The following NCK2 variants were observed in gnomAD, a reference collection of about 807,000 sequenced individuals.
NCK2 encodes NCK adaptor protein 2.
A neutral mutation model predicts 33.9 loss-of-function variants in NCK2; 16 were observed. That is an observed-to-expected ratio of 0.47 (90% CI 0.32 to 0.72). The LOEUF (loss-of-function observed/expected upper bound fraction) is 0.72. Among genes scored for constraint, NCK2 ranks in the 30% least tolerant of loss-of-function variants. The probability of loss-of-function intolerance (pLI) is 0.03; values close to 1 mark genes in which losing one functional copy is unlikely to be tolerated. For missense variants in NCK2, 418 were observed against 537.3 expected, an observed-to-expected ratio of 0.78 and a Z score of 2.19; for synonymous variants, 273 against 239.9, an observed-to-expected ratio of 1.14 and a Z score of -1.27.
intron 4 of NCK2, among the ~76,000 whole-genome samples, chr2:105,887,585 C>T (rs1308402092): frequency 6.6e-6 from 1 of 152,152 alleles, no homozygotes; most frequent in Non-Finnish European, 1.5e-5. Flanking sequence ...ACCAAAAGTA[C>T]CTGGAGCAAG....
At chr2:105,851,649 G>A (rs1466688961) in intron 2 of NCK2, 1 of 152,374 alleles carries the variant, frequency 6.6e-6, no homozygotes, top group Admixed American at 6.5e-5. Flanking sequence ...TTAACCTTTA[G>A]CTACTGAGGC....
At chr2:105,888,640 C>T (rs1191338081) in intron 4 of NCK2, among the ~76,000 whole-genome samples, 1 of 152,200 alleles carries the variant, frequency 6.6e-6, no homozygotes, top group Non-Finnish European at 1.5e-5. Context: ...TTCCCTTCAG[C>T]ATGGGCTGCA....
At chr2:105,773,969 T>C (rs1455576184) in intron 1 of NCK2, among the ~76,000 whole-genome samples, 1 of 152,048 alleles carries the variant, frequency 6.6e-6, no homozygotes, top group Non-Finnish European at 1.5e-5. Flanking sequence ...GAAGTGTGCA[T>C]CTGGAAGTCC....
chr2:105,855,974 A>C (rs898511485), intron 3 of NCK2, among the ~76,000 whole-genome samples: 3 of 152,078 alleles, frequency 2.0e-5, no homozygotes, highest in Non-Finnish European at 4.4e-5. Context: ...AGCTGGGACT[A>C]CAGGCACCCA....
intron 1 of NCK2, among the ~76,000 whole-genome samples, chr2:105,791,692 A>G (rs1463651533): frequency 6.6e-6 from 1 of 152,180 alleles, no homozygotes; most frequent in Non-Finnish European, 1.5e-5. Context: ...TCGTTTTTCT[A>G]CTTGACAATT....
chr2:105,877,000 T>C (rs925033440), intron 3 of NCK2, among the ~76,000 whole-genome samples: 1 of 152,090 alleles, frequency 6.6e-6, no homozygotes, highest in Non-Finnish European at 1.5e-5. Context: ...CTTTGAGATG[T>C]CCCGGCTGCC....
chr2:105,800,987 A>G (rs1394042133), intron 1 of NCK2, among the ~76,000 whole-genome samples: 1 of 152,176 alleles, frequency 6.6e-6, no homozygotes, highest in Non-Finnish European at 1.5e-5. Flanking sequence ...GGAGACAGGC[A>G]AATGTTCTAA....
chr2:105,776,594 G>A (rs1690311122), intron 1 of NCK2, among the ~76,000 whole-genome samples: 2 of 152,148 alleles, frequency 1.3e-5, no homozygotes, highest in African/African-American at 4.8e-5. Context: ...AGCATGATCA[G>A]AAAAAGGAAC....
At chr2:105,819,589 A>G (rs897286565) in intron 2 of NCK2, among the ~76,000 whole-genome samples, 3 of 152,214 alleles carry the variant, frequency 2.0e-5, no homozygotes, top group African/African-American at 7.2e-5. Context: ...GTGGTGAGGC[A>G]GGGGAGTGTG....
Position 105,772,858 on chromosome 2 carries a change from G to A in NCK2, c.-201+27720G>A, listed in dbSNP as rs181830097. 2.7e-5 allele frequency among the ~76,000 whole-genome samples: 4 copies of A among 150,018 alleles called. No individual in the cohort carries two copies. In the East Asian group the frequency reaches 7.9e-4, roughly 30 times the overall value. On this transcript the variant is annotated intron_variant, in intron 1 of 4. Transcript: ENST00000233154. ...TCTCCTGGTCCTTCCTTCACAGTGT[G>A]TTCCTGGCGACCTCCCACATCATCC...
chr2:105,774,629 C>T (rs1359087746), intron 1 of NCK2, among the ~76,000 whole-genome samples: 1 of 151,998 alleles, frequency 6.6e-6, no homozygotes, highest in African/African-American at 2.4e-5. Context: ...ACACACACAA[C>T]GAACTCTAGA....
chr2:105,840,295 G>A (rs1676592789), intron 2 of NCK2, among the ~76,000 whole-genome samples: 1 of 152,136 alleles, frequency 6.6e-6, no homozygotes, highest in African/African-American at 2.4e-5. Context: ...CCTCAGAGAG[G>A]CACCCAGACA....
In NCK2 at chr2:105,786,836, A is replaced by G. The variant is rs914220717; in HGVS notation, c.-200-29594A>G. 4.7e-5 allele frequency among the ~76,000 whole-genome samples: 6 copies of G among 128,026 alleles called. No individual in the cohort carries two copies. In the South Asian group the frequency reaches 1.7e-3, roughly 37 times the overall value. The allele number at this position is 128,026 out of a possible 152,430, so 84.0% of individuals were successfully genotyped here. On this transcript the variant is annotated intron_variant, in intron 1 of 4. Coordinates refer to ENST00000233154, the MANE Select transcript of NCK2 (RefSeq NM_003581.5). The stretch of plus-strand genomic sequence containing the variant: ...TGCCTCTCTTGGGCCAGTGCCTTCT[A>G]CCAGCCCTGCTCCCACCCTAGCCTT...
At chr2:105,749,374 G>A (rs887760600) in intron 1 of NCK2, among the ~76,000 whole-genome samples, 1 of 152,182 alleles carries the variant, frequency 6.6e-6, no homozygotes, top group Non-Finnish European at 1.5e-5. Context: ...AGTGAAGACC[G>A]AAAATGCCAT....
chr2:105,838,820 C>G (rs1484718527), intron 2 of NCK2, among the ~76,000 whole-genome samples: 2 of 152,128 alleles, frequency 1.3e-5, no homozygotes, highest in Non-Finnish European at 1.5e-5. Flanking sequence ...TATATGCATG[C>G]TAGGCACCCA....
At chr2:105,881,207 TGTCCATGTGTC>T in intron 3 of NCK2, 110 bp from the exon 4 acceptor site, 1 of 1,348,758 alleles carries the variant, frequency 7.4e-7, no homozygotes, top group Non-Finnish European at 9.9e-7. Context: ...TTGTAAGCAC[TGTCCATGTGTC>T]GTCCCCTTGT....
At chr2:105,801,523 C>T (rs894281016) in intron 1 of NCK2, among the ~76,000 whole-genome samples, 2 of 151,910 alleles carry the variant, frequency 1.3e-5, no homozygotes, top group African/African-American at 4.8e-5. Context: ...ACCTTTGTCA[C>T]GTGCTGGCTG....
intron 1 of NCK2, among the ~76,000 whole-genome samples, chr2:105,761,658 G>A (rs1410589766): frequency 6.6e-6 from 1 of 152,168 alleles, no homozygotes; most frequent in Non-Finnish European, 1.5e-5. Flanking sequence ...TGGGAGGATT[G>A]CTTGAGCCCA....
intron 1 of NCK2, among the ~76,000 whole-genome samples, chr2:105,771,282 T>C (rs1222683137): frequency 6.6e-6 from 1 of 151,184 alleles, no homozygotes; most frequent in East Asian, 2.0e-4. Context: ...TAAAAAAACA[T>C]GAGGGCTGGC....
Sources: gnomAD v4.1 joint callset for allele counts (sites outside exome capture counted in the v4.1 genomes callset) on GRCh38, gnomAD v4.1.1 for gene constraint, MANE v1.5 for transcripts, NCBI Gene and HGNC (gene_info 2026-07-23, HGNC 2026-07-21) for gene names.